The following ADGRD2 variants were observed in gnomAD, a reference collection of about 807,000 sequenced individuals.
ADGRD2 encodes the protein G protein-coupled receptor PGR24.
In ADGRD2, 71 loss-of-function variants were observed where a neutral mutation model predicts 44.4. The observed-to-expected ratio is 1.60, with a 90% CI of 1.32 to 1.95. The LOEUF (loss-of-function observed/expected upper bound fraction) is 1.95, where lower values mean the gene tolerates loss of function less well. Ranked by LOEUF, ADGRD2 falls within the 30% of genes most tolerant of loss-of-function variation. ADGRD2 has a pLI of 0.00. For missense variants in ADGRD2, 1,039 were observed against 512.4 expected (o/e 2.03, Z -9.92); for synonymous variants, 481 against 224.8 (o/e 2.14, Z -10.19).
intron 10 of ADGRD2, among the ~76,000 whole-genome samples, chr9:124,459,259 AGGCG>A (rs1458849227): frequency 6.6e-6 from 1 of 152,218 alleles, no homozygotes; most frequent in African/African-American, 2.4e-5. Flanking sequence ...TGGGAGGCCG[AGGCG>A]GGCGGATCAC....
At chr9:124,470,469 G>T (rs142176856) in intron 16 of ADGRD2, 25 bp from the exon 20 acceptor site, 1 of 703,404 alleles carries the variant, frequency 1.4e-6, no homozygotes, top group South Asian at 1.5e-5. Flanking sequence ...CCCAACCCCC[G>T]TCAGCCCTGC....
chr9:124,476,101 G>T (rs1832045097), intron 19 of ADGRD2, among the ~76,000 whole-genome samples: 1 of 152,188 alleles, frequency 6.6e-6, no homozygotes, highest in African/African-American at 2.4e-5. Flanking sequence ...GAGTAAATGG[G>T]GTCGGGGCTC....
At position 124,468,674 on chromosome 9, in the gene ADGRD2, TG is replaced by T; in HGVS notation, c.2387+3del. 1 of 713,496 alleles carries T rather than the reference TG, an allele frequency of 1.4e-6. No homozygotes were observed. 44.2% of individuals were successfully genotyped at this position (713,496 alleles called of 1,614,324 possible). ...GGCTCTACCACGCCACAGGCTGGGG[TG>T]AGGCCTGCTCTGCACCCACACTCTC... On this transcript the variant is annotated splice_donor_region_variant and intron_variant, in intron 14 of 21. Coordinates refer to ENST00000334810, the Ensembl canonical transcript of ADGRD2.
exon 2 of ADGRD2, chr9:124,452,543 C>T (rs1831503926): frequency 1.4e-6 from 1 of 718,428 alleles, no homozygotes; most frequent in Non-Finnish European, 2.6e-6. Context: ...GTGAAGACTG[C>T]AGGTGGGGTG....
At chr9:124,467,450 C>A in intron 11 of ADGRD2, 1 of 458,806 alleles carries the variant, frequency 2.2e-6, no homozygotes, top group Non-Finnish European at 3.9e-6. Context: ...GATCCCTCCC[C>A]GTGGGCACGT....
intron 17 of ADGRD2, among the ~76,000 whole-genome samples, chr9:124,474,371 C>T (rs1052573552): frequency 3.3e-5 from 5 of 150,402 alleles, no homozygotes; most frequent in South Asian, 2.1e-4. Flanking sequence ...TTCTTGGGTT[C>T]GCATTTGGAA....
chr9:124,453,935 G>A, intron 3 of ADGRD2, 64 bp from the exon 7 acceptor site: 1 of 611,484 alleles, frequency 1.6e-6, no homozygotes, highest in South Asian at 1.9e-5. Flanking sequence ...CTAACCCCGG[G>A]GCCGTGCGTC....
chr9:124,453,610 G>A, exon 3 of ADGRD2: 2 of 701,192 alleles, frequency 2.9e-6, no homozygotes, highest in Non-Finnish European at 2.6e-6. Flanking sequence ...CTTCCGCTGG[G>A]ACCCGGGCGC....
chr9:124,459,250 G>A lies in ADGRD2; in HGVS notation c.1870+529G>A, dbSNP rs566923890. ...CTTACGCCTGTAATCCCAGCACTTTGGGAGGCCGAGGCGGGCGGATCACTT... is the reference window on the plus strand; with the variant it reads ...CTTACGCCTGTAATCCCAGCACTTTAGGAGGCCGAGGCGGGCGGATCACTT... On this transcript the variant is annotated intron_variant, in intron 10 of 21. Coordinates refer to ENST00000334810, the Ensembl canonical transcript of ADGRD2. Among the ~76,000 whole-genome samples, 13 of 152,320 alleles carry A rather than the reference G, an allele frequency of 8.5e-5. No homozygotes were observed. The South Asian group carries it at 2.7e-3, about 32-fold the overall frequency.
Position 124,469,757 on chromosome 9 carries a change from G to A in ADGRD2, c.2637+210G>A, listed in dbSNP as rs543312214. ...TGGGCATGTCAACATGTGTCAACATGCACCCATGCGTGTCACATGTGGGGA... is the reference window on the plus strand; with the variant it reads ...TGGGCATGTCAACATGTGTCAACATACACCCATGCGTGTCACATGTGGGGA... On this transcript the variant is annotated intron_variant, in intron 16 of 21. Coordinates refer to ENST00000334810, the Ensembl canonical transcript of ADGRD2. Among the ~76,000 whole-genome samples the A allele has an allele frequency of 1.6e-4, 24 of 152,366 alleles. 1 individual carries two copies. Among genetic ancestry groups the A allele is most frequent in the Middle Eastern group, 3.4e-3 (1 of 294 alleles).
At chr9:124,452,791 C>T (rs1564136646) in intron 2 of ADGRD2, 69 bp downstream of exon 5, 1 of 667,908 alleles carries the variant, frequency 1.5e-6, no homozygotes, top group East Asian at 2.7e-5. Flanking sequence ...TATAGGAGCC[C>T]ACAGTGACAA....
At chr9:124,463,413 T>C (rs1831755303) in intron 10 of ADGRD2, among the ~76,000 whole-genome samples, 1 of 152,220 alleles carries the variant, frequency 6.6e-6, no homozygotes, top group Non-Finnish European at 1.5e-5. Flanking sequence ...TTTTTATGTT[T>C]ATGTTCATGA....
intron 10 of ADGRD2, among the ~76,000 whole-genome samples, chr9:124,460,375 T>TAC (rs2131239689): frequency 1.4e-5 from 1 of 72,618 alleles, no homozygotes; most frequent in Admixed American, 1.4e-4. Context: ...GCTAATTTTG[T>TAC]ATATATATAT....
At chr9:124,462,367 C>T (rs567443219) in intron 10 of ADGRD2, among the ~76,000 whole-genome samples, 1 of 152,198 alleles carries the variant, frequency 6.6e-6, no homozygotes, top group Admixed American at 6.5e-5. Context: ...CCACACCCAG[C>T]CTTGTTCTTT....
chr9:124,451,226 C>T (rs942992045), upstream of ADGRD2: 9 of 471,608 alleles, frequency 1.9e-5, no homozygotes, highest in Middle Eastern at 1.1e-3. Context: ...CGGCAGAGGC[C>T]TGATGAAGCA....
At chr9:124,451,997 G>GCCGGGGGGGGGGGCCC, upstream of ADGRD2, 1 of 360,938 alleles carries the variant, frequency 2.8e-6, no homozygotes, top group Non-Finnish European at 5.5e-6. Context: ...TCCACTGAAT[G>GCCGGGGGGGGGGGCCC]CCCCCCTCCC....
In ADGRD2 at chr9:124,475,414, C is replaced by T. The variant is rs750327771; in HGVS notation, c.2759-32C>T. The T allele has an allele frequency of 2.4e-5, 17 of 706,542 alleles. 1 individual carries two copies. Among genetic ancestry groups the T allele is most frequent in the South Asian group, 1.5e-4 (10 of 66,190 alleles). 43.8% of individuals were successfully genotyped at this position (706,542 alleles called of 1,614,324 possible). On this transcript the variant is annotated intron_variant, in intron 17 of 21. Coordinates refer to ENST00000334810, the Ensembl canonical transcript of ADGRD2. ...CTGTGGGGGATGGGGTAGGAGGCTC[C>T]GGGCTGAGGCACTCGCTGGGTCTGT...
chr9:124,469,156 G>T, intron 14 of ADGRD2, 66 bp from the exon 18 acceptor site: 1 of 660,738 alleles, frequency 1.5e-6, no homozygotes, highest in Non-Finnish European at 2.8e-6. Flanking sequence ...TTGGGGGGCG[G>T]ATCCTGGGTC....
At chr9:124,478,053 G>A (rs890474250) in intron 21 of ADGRD2, among the ~76,000 whole-genome samples, 1 of 152,114 alleles carries the variant, frequency 6.6e-6, no homozygotes, top group Non-Finnish European at 1.5e-5. Flanking sequence ...TGGAAGCGCG[G>A]GGCAGCGGAG....
Sources: gnomAD v4.1 joint callset for allele counts (sites outside exome capture counted in the v4.1 genomes callset) on GRCh38, gnomAD v4.1.1 for gene constraint, MANE v1.5 for transcripts, NCBI Gene and HGNC (gene_info 2026-07-23, HGNC 2026-07-21) for gene names.